The following UXS1 variants were observed in gnomAD, a reference collection of about 807,000 sequenced individuals.
UXS1 encodes UDP-glucuronic acid decarboxylase 1.
A neutral mutation model predicts 62.6 loss-of-function variants in UXS1; 33 were observed. The ratio of observed to expected loss-of-function variants is 0.53; its 90% CI spans 0.40 to 0.70. UXS1 has a LOEUF of 0.70. UXS1 is among the 30% of genes least tolerant of loss of function. UXS1 has a pLI of 0.00. For synonymous variants in UXS1, 213 were observed against 206.8 expected (o/e 1.03, Z -0.26); for missense variants, 434 against 556.3 (o/e 0.78, Z 2.21).
At chr2:106,143,686 G>A (rs989388883) in intron 6 of UXS1, among the ~76,000 whole-genome samples, 3 of 152,100 alleles carry the variant, frequency 2.0e-5, no homozygotes, top group African/African-American at 7.2e-5. Context: ...CAGGATGACA[G>A]CAAAATTCAG....
chr2:106,174,107 G>A, intron 1 of UXS1, among the ~76,000 whole-genome samples: 1 of 126,730 alleles, frequency 7.9e-6, no homozygotes, highest in Non-Finnish European at 1.7e-5. Context: ...GCGGGGGCGG[G>A]ATGGCAATGC....
intron 1 of UXS1, among the ~76,000 whole-genome samples, chr2:106,184,674 G>A (rs953088303): frequency 6.6e-6 from 1 of 152,108 alleles, no homozygotes; most frequent in African/African-American, 2.4e-5. Context: ...CCATGCATGA[G>A]GGCTCTGCCT....
At chr2:106,097,033 CTG>C (rs1248257003) in intron 13 of UXS1, 1 of 677,738 alleles carries the variant, frequency 1.5e-6, no homozygotes, top group Non-Finnish European at 2.7e-6. Context: ...GCCAAGCTGA[CTG>C]TGTGCAGGCG....
chr2:106,124,132 T>G (rs189437618), intron 8 of UXS1, among the ~76,000 whole-genome samples: 1 of 152,232 alleles, frequency 6.6e-6, no homozygotes, highest in African/African-American at 2.4e-5. Flanking sequence ...AGAAAAGTTC[T>G]AAGGAAAATA....
chr2:106,169,566 A>G (rs956190805), intron 1 of UXS1, among the ~76,000 whole-genome samples: 1 of 152,152 alleles, frequency 6.6e-6, no homozygotes, highest in Non-Finnish European at 1.5e-5. Context: ...CTGTGCCTTC[A>G]GTCCCAGCTA....
intron 9 of UXS1, among the ~76,000 whole-genome samples, chr2:106,122,450 C>T (rs989254961): frequency 1.3e-5 from 2 of 152,218 alleles, no homozygotes; most frequent in African/African-American, 4.8e-5. Context: ...CAACCTCGGC[C>T]TCTTGGTCTG....
At chr2:106,167,287 G>A (rs1241603983) in intron 1 of UXS1, among the ~76,000 whole-genome samples, 1 of 152,192 alleles carries the variant, frequency 6.6e-6, no homozygotes, top group Non-Finnish European at 1.5e-5. Flanking sequence ...CCACTCAGCA[G>A]ATACTGAAGG....
chr2:106,168,827 T>A (rs930512839), intron 1 of UXS1, among the ~76,000 whole-genome samples: 26 of 152,176 alleles, frequency 1.7e-4, no homozygotes, highest in African/African-American at 5.8e-4. Context: ...GATGCAGTTA[T>A]GACAGTACCA....
chr2:106,130,606 A>G (rs570810712), intron 6 of UXS1, among the ~76,000 whole-genome samples: 4 of 152,342 alleles, frequency 2.6e-5, no homozygotes, highest in South Asian at 2.1e-4. Flanking sequence ...TCCCTTGCAC[A>G]TGGATGTGTA....
intron 1 of UXS1, among the ~76,000 whole-genome samples, chr2:106,193,781 C>G (rs978077743): frequency 1.3e-5 from 2 of 151,692 alleles, no homozygotes; most frequent in African/African-American, 4.8e-5. Context: ...GGTATCCCCA[C>G]GCGGCACGCT....
chr2:106,096,981 G>A lies in UXS1; in HGVS notation c.1043-160C>T, dbSNP rs750296485. On this transcript the variant is annotated intron_variant, in intron 13 of 14. Coordinates refer to ENST00000283148, the MANE Select transcript of UXS1 (RefSeq NM_001253875.2). ...GAAGCCCCGGAGCTCCCGAGGGACT[G>A]TTCTGCGTGGAAGTCCAGGGAGTGC... 18 of 767,296 alleles carry A rather than the reference G, an allele frequency of 2.3e-5. No homozygotes were observed. The African/African-American group carries it at 2.6e-4, about 11-fold the overall frequency. The allele number at this position is 767,296 out of a possible 1,614,324, so 47.5% of individuals were successfully genotyped here. A position where few individuals can be genotyped will look rare whatever the true frequency, so the allele number is the denominator to read the frequency against.
chr2:106,099,761 G>A (rs763986263), intron 12 of UXS1, among the ~76,000 whole-genome samples: 2 of 152,166 alleles, frequency 1.3e-5, no homozygotes, highest in Non-Finnish European at 2.9e-5. Context: ...CCTCTCCAGT[G>A]TACACAGGCA....
intron 5 of UXS1, among the ~76,000 whole-genome samples, chr2:106,155,357 G>A (rs56963214): frequency 0.016 from 2,389 of 152,272 alleles, 74 homozygotes; most frequent in African/African-American, 0.054. Flanking sequence ...ACTAAAGGAT[G>A]TTCTTTAGGC....
chr2:106,164,646 C>A, intron 3 of UXS1, 90 bp downstream of exon 3: 1 of 1,023,830 alleles, frequency 9.8e-7, no homozygotes, highest in Non-Finnish European at 1.4e-6. Context: ...CAGCATCAAG[C>A]TGCCACAATA....
chr2:106,171,921 G>A (rs1299901357), intron 1 of UXS1, among the ~76,000 whole-genome samples: 1 of 152,256 alleles, frequency 6.6e-6, no homozygotes, highest in Non-Finnish European at 1.5e-5. Flanking sequence ...CTTCTTTATA[G>A]TATGACATCC....
chr2:106,096,145 G>A (rs1187923576), intron 14 of UXS1, among the ~76,000 whole-genome samples: 6 of 152,172 alleles, frequency 3.9e-5, no homozygotes, highest in Non-Finnish European at 8.8e-5. Context: ...CTCTGAGCGT[G>A]TGCTGCCAGC....
intron 6 of UXS1, among the ~76,000 whole-genome samples, chr2:106,141,929 G>A (rs933393365): frequency 6.0e-5 from 9 of 149,546 alleles, no homozygotes; most frequent in African/African-American, 9.9e-5. Context: ...GGAGTGCAAC[G>A]GCACTATCTT....
intron 1 of UXS1, among the ~76,000 whole-genome samples, chr2:106,190,558 C>A (rs572204764): frequency 6.6e-6 from 1 of 152,040 alleles, no homozygotes; most frequent in South Asian, 2.1e-4. Context: ...CCAGCCTGAC[C>A]AACATGGAGA....
chr2:106,113,267 G>A (rs762049376), intron 9 of UXS1, among the ~76,000 whole-genome samples: 1 of 152,170 alleles, frequency 6.6e-6, no homozygotes, highest in Admixed American at 6.5e-5. Context: ...CGTTCTTACT[G>A]AGTGAGCTTG....
Sources: gnomAD v4.1 joint callset for allele counts (sites outside exome capture counted in the v4.1 genomes callset) on GRCh38, gnomAD v4.1.1 for gene constraint, MANE v1.5 for transcripts, NCBI Gene and HGNC (gene_info 2026-07-23, HGNC 2026-07-21) for gene names.